EGF: variants seen among roughly 807,000 people sequenced by gnomAD.
EGF encodes pro-epidermal growth factor.
Under a neutral mutation model 143.8 loss-of-function variants are expected in EGF, and 95 were observed. The observed-to-expected ratio is 0.66, with a 90% CI of 0.56 to 0.78. The LOEUF (loss-of-function observed/expected upper bound fraction) is 0.78, where lower values mean the gene tolerates loss of function less well. Ranked by LOEUF, EGF falls within the 30% of genes least tolerant of loss-of-function variation. The probability of loss-of-function intolerance (pLI) is 0.00; values close to 1 mark genes in which losing one functional copy is unlikely to be tolerated. For missense variants in EGF, 1,320 were observed against 1,470.9 expected, an observed-to-expected ratio of 0.90 and a Z score of 1.68; for synonymous variants, 510 against 510.5, an observed-to-expected ratio of 1.00 and a Z score of 0.01.
chr4:109,912,975 C>G lies in EGF; in HGVS notation c.-361C>G, dbSNP rs961372411. On this transcript the variant is annotated 5_prime_UTR_variant, in exon 1 of 24. Transcript: ENST00000265171. ...TTGTAGCTGGAACTTTCCATCAGTT[C>G]TTCCTTTCTTTTTCCTCTCTAAGCC... is the stretch of plus-strand genomic sequence containing the variant. 1.8e-4 allele frequency: 46 copies of G among 253,914 alleles called. No homozygotes were observed. The highest frequency in any genetic ancestry group is 1.5e-3 in the Middle Eastern group (1 of 658). The allele number at this position is 253,914 out of a possible 1,614,324, so 15.7% of individuals were successfully genotyped here. A position where few individuals can be genotyped will look rare whatever the true frequency, so the allele number is the denominator to read the frequency against.
chr4:109,945,156 A>T lies in EGF; in HGVS notation c.821A>T (p.Lys274Ile). ...ATGAAGACAATTTGGATAGCCAACA[A>T]ACACACTGGAAAGGACATGGTTAGA... Reference protein sequence around the residue: ...WKMKTIWIANKHTGKDMVRIN... With the variant: ...WKMKTIWIANIHTGKDMVRIN... The change falls in exon 5 of 24, where the codon AAA becomes ATA. Residue 274 changes from lysine to isoleucine, a missense_variant. By Grantham distance (102) the Lys-to-Ile change is moderately radical. This residue lies in a region of EGF where 1,186 missense variants were observed against 1,313.7 expected (regional missense o/e 0.90). Coordinates refer to ENST00000265171, the MANE Select transcript of EGF (RefSeq NM_001963.6). 1 of 1,614,140 alleles carries T rather than the reference A, an allele frequency of 6.2e-7. No homozygotes were observed. The highest frequency in any genetic ancestry group is 1.1e-5 in the South Asian group (1 of 91,082).
At chr4:109,974,918 A>C in intron 12 of EGF, 111 bp downstream of exon 12, 1 of 758,574 alleles carries the variant, frequency 1.3e-6, no homozygotes, top group Non-Finnish European at 2.3e-6. Context: ...AATTTGTTCA[A>C]ATCTTCAGCA....
At chr4:109,965,828 C>T (rs1731666566) in intron 10 of EGF, among the ~76,000 whole-genome samples, 1 of 152,050 alleles carries the variant, frequency 6.6e-6, no homozygotes, top group Non-Finnish European at 1.5e-5. Flanking sequence ...TTGAGAAGCA[C>T]AGTGCCAGTG....
intron 11 of EGF, among the ~76,000 whole-genome samples, chr4:109,969,986 T>C (rs1468640359): frequency 2.6e-5 from 4 of 152,212 alleles, no homozygotes; most frequent in African/African-American, 9.6e-5. Context: ...GTTGACTCCC[T>C]GTTAAAACAA....
At chr4:109,955,329 A>T (rs1349784177) in intron 5 of EGF, among the ~76,000 whole-genome samples, 2 of 152,186 alleles carry the variant, frequency 1.3e-5, no homozygotes, top group African/African-American at 2.4e-5. Context: ...AGCTCTGAGA[A>T]GGAGTGTTCT....
At chr4:110,006,303 C>A (rs754743268) in intron 22 of EGF, among the ~76,000 whole-genome samples, 1 of 151,692 alleles carries the variant, frequency 6.6e-6, no homozygotes, top group South Asian at 2.1e-4. Flanking sequence ...TATGATAGCA[C>A]CACTGCACTC....
chr4:109,963,363 A>T, intron 9 of EGF, 65 bp downstream of exon 9: 1 of 1,607,604 alleles, frequency 6.2e-7, no homozygotes, highest in Non-Finnish European at 8.5e-7. Flanking sequence ...TTTTGTTTAG[A>T]AAGATGGAAA....
At chr4:109,956,720 A>G (rs1490484354) in intron 5 of EGF, among the ~76,000 whole-genome samples, 1 of 152,248 alleles carries the variant, frequency 6.6e-6, no homozygotes, top group Non-Finnish European at 1.5e-5. Context: ...GGAATCAATT[A>G]TCCATAAGAC....
chr4:109,971,076 T>C (rs1747575510), intron 11 of EGF, among the ~76,000 whole-genome samples: 1 of 152,116 alleles, frequency 6.6e-6, no homozygotes, highest in Admixed American at 6.5e-5. Flanking sequence ...TTATCTCCAA[T>C]TTAAAGATTA....
intron 21 of EGF, among the ~76,000 whole-genome samples, chr4:110,000,144 G>A (rs551504540): frequency 3.4e-4 from 51 of 151,782 alleles, no homozygotes; most frequent in African/African-American, 1.2e-3. Flanking sequence ...TCAGCTACTC[G>A]GGAGGCTGAG....
intron 17 of EGF, 118 bp from the exon 18 acceptor site, chr4:109,988,466 C>T: frequency 6.8e-7 from 1 of 1,480,040 alleles, no homozygotes; most frequent in Non-Finnish European, 9.4e-7. Flanking sequence ...ATGTTGGCAA[C>T]AGCACCTGTA....
intron 1 of EGF, among the ~76,000 whole-genome samples, chr4:109,933,970 T>C (rs973332332): frequency 2.0e-5 from 3 of 152,218 alleles, no homozygotes; most frequent in African/African-American, 4.8e-5. Context: ...ATGGTATTTG[T>C]AGTTCTAGAT....
At chr4:109,939,523 C>A (rs11098054) in intron 1 of EGF, among the ~76,000 whole-genome samples, 1 of 152,350 alleles carries the variant, frequency 6.6e-6, no homozygotes, top group South Asian at 2.1e-4. Flanking sequence ...CACCCTGCTT[C>A]GGCTGGCCCT....
At chr4:109,999,090 T>G (rs559527918) in intron 20 of EGF, among the ~76,000 whole-genome samples, 1 of 152,338 alleles carries the variant, frequency 6.6e-6, no homozygotes, top group African/African-American at 2.4e-5. Flanking sequence ...TTTTCTCTCA[T>G]TGAAGAAAAT....
intron 22 of EGF, among the ~76,000 whole-genome samples, chr4:110,006,256 G>T (rs1280150885): frequency 7.2e-6 from 1 of 138,018 alleles, no homozygotes; most frequent in African/African-American, 2.5e-5. Context: ...GAAGCAGGAG[G>T]GTCACTTGAA....
chr4:109,975,892 T>C, intron 12 of EGF, 120 bp from the exon 13 acceptor site: 2 of 1,121,306 alleles, frequency 1.8e-6, no homozygotes, highest in South Asian at 2.5e-5. Flanking sequence ...TTCTTCTGTA[T>C]TCCTTAGTGT....
chr4:109,927,648 C>T (rs10002835), intron 1 of EGF, among the ~76,000 whole-genome samples: 2,434 of 148,314 alleles, frequency 0.016, 74 homozygotes, highest in African/African-American at 0.056. Flanking sequence ...AGCGCGAACC[C>T]GGGAGGCAGA....
rs1741147045 is a variant in EGF, at chr4:109,937,937, C to G, written c.128-3009C>G. On this transcript the variant is annotated intron_variant, in intron 1 of 23. Coordinates refer to ENST00000265171, the MANE Select transcript of EGF (RefSeq NM_001963.6). The stretch of plus-strand genomic sequence containing the variant: ...TAACTCGACCTTTCTCTCTGGCTGC[C>G]CTTAACATTTTTTCCTTCATTTCAA... 2.0e-5 allele frequency among the ~76,000 whole-genome samples: 3 copies of G among 152,072 alleles called. No individual in the cohort carries two copies. The South Asian group carries it at 6.2e-4, about 32-fold the overall frequency.
chr4:109,999,043 GTTTGT>G (rs1752200099), intron 20 of EGF, among the ~76,000 whole-genome samples: 2 of 152,202 alleles, frequency 1.3e-5, no homozygotes, highest in Non-Finnish European at 2.9e-5. Flanking sequence ...ACAGCAGGGT[GTTTGT>G]AGGTGAACGT....
Sources: allele counts gnomAD v4.1 joint callset (sites outside exome capture counted in the v4.1 genomes callset), GRCh38; gene constraint gnomAD v4.1.1; regional missense constraint gnomAD v4.1.1; transcripts MANE v1.5; gene names NCBI Gene and HGNC (gene_info 2026-07-23, HGNC 2026-07-21).